WDR70: variants seen among roughly 807,000 people sequenced by gnomAD.
WDR70 encodes WD repeat domain 70, also known as WD repeat-containing protein 70.
In WDR70, 53 loss-of-function variants were observed where a neutral mutation model predicts 88.6. The observed-to-expected ratio is 0.60, with a 90% confidence interval of 0.48 to 0.75. WDR70 has a LOEUF of 0.75. WDR70 is among the 30% of genes least tolerant of loss of function. The probability of loss-of-function intolerance (pLI) is 0.00; values close to 1 mark genes in which losing one functional copy is unlikely to be tolerated. For synonymous variants in WDR70, 280 were observed against 270.0 expected (o/e 1.04, Z -0.36); for missense variants, 610 against 823.2 (o/e 0.74, Z 3.17).
At chr5:37,600,159 T>C (rs1743827641) in intron 9 of WDR70, among the ~76,000 whole-genome samples, 1 of 152,170 alleles carries the variant, frequency 6.6e-6, no homozygotes, top group Non-Finnish European at 1.5e-5. Flanking sequence ...AAAAGAAAGA[T>C]AAGCCGAAGA....
intron 8 of WDR70, among the ~76,000 whole-genome samples, chr5:37,502,755 C>T (rs1740443498): frequency 2.0e-5 from 3 of 152,118 alleles, no homozygotes; most frequent in Admixed American, 6.6e-5. Flanking sequence ...AGCTTTTACT[C>T]GTGGCAGAAG....
chr5:37,699,954 A>C (rs556384876), intron 11 of WDR70, among the ~76,000 whole-genome samples: 120 of 144,250 alleles, frequency 8.3e-4, no homozygotes, highest in Middle Eastern at 3.4e-3. Flanking sequence ...CTCAAAAAAA[A>C]ACAAAAAACA....
intron 9 of WDR70, among the ~76,000 whole-genome samples, chr5:37,562,576 G>A (rs1198818688): frequency 6.6e-6 from 1 of 152,164 alleles, no homozygotes; most frequent in African/African-American, 2.4e-5. Context: ...CCTAGGCAGA[G>A]GACCCTGCGG....
intron 9 of WDR70, among the ~76,000 whole-genome samples, chr5:37,517,316 A>G (rs766969448): frequency 6.6e-6 from 1 of 152,204 alleles, no homozygotes; most frequent in African/African-American, 2.4e-5. Flanking sequence ...ATGTCAGTTC[A>G]TACATACCAG....
intron 10 of WDR70, among the ~76,000 whole-genome samples, chr5:37,696,243 C>A (rs1239184026): frequency 6.6e-6 from 1 of 152,144 alleles, no homozygotes; most frequent in Non-Finnish European, 1.5e-5. Context: ...AAGATGGAAG[C>A]ATGATAACTA....
chr5:37,411,037 A>G (rs1268165758), intron 5 of WDR70, among the ~76,000 whole-genome samples: 2 of 152,268 alleles, frequency 1.3e-5, no homozygotes, highest in Admixed American at 1.3e-4. Context: ...CAAATGAATC[A>G]GAAAAAGTTG....
chr5:37,608,404 T>A (rs1744095743), intron 10 of WDR70, among the ~76,000 whole-genome samples: 1 of 152,128 alleles, frequency 6.6e-6, no homozygotes, highest in South Asian at 2.1e-4. Flanking sequence ...TTCAGAGGAC[T>A]GAAATTTCTT....
At chr5:37,396,675 T>C (rs1749024370) in intron 5 of WDR70, 105 bp downstream of exon 5, 1 of 1,429,468 alleles carries the variant, frequency 7.0e-7, no homozygotes, top group Non-Finnish European at 9.1e-7. Context: ...ATTTAAAAAC[T>C]GAGGAAAGGC....
intron 14 of WDR70, 100 bp from the exon 15 acceptor site, chr5:37,722,755 A>G: frequency 9.6e-7 from 1 of 1,044,162 alleles, no homozygotes; most frequent in Non-Finnish European, 1.4e-6. Context: ...GATGGAGTGC[A>G]TGCACAGAGT....
At chr5:37,557,961 T>TGAGTACTCTTTTGAAAACTCTTCTAAAGA (rs1176435994) in intron 9 of WDR70, among the ~76,000 whole-genome samples, 1 of 148,286 alleles carries the variant, frequency 6.7e-6, no homozygotes, top group Non-Finnish European at 1.5e-5. Context: ...AAGAGTATTA[T>TGAGTACTCTTTTGAAAACTCTTCTAAAGA]GTATATTTAT....
chr5:37,398,186 T>C (rs1749084597), intron 5 of WDR70, among the ~76,000 whole-genome samples: 1 of 149,466 alleles, frequency 6.7e-6, no homozygotes, highest in Admixed American at 6.8e-5. Flanking sequence ...CCTCCCGGGT[T>C]CATGCCATTC....
intron 9 of WDR70, among the ~76,000 whole-genome samples, chr5:37,556,039 A>G (rs1742286867): frequency 6.6e-6 from 1 of 152,112 alleles, no homozygotes; most frequent in Admixed American, 6.6e-5. Flanking sequence ...TTTAAGTACT[A>G]TAATTAACCA....
chr5:37,420,917 C>T (rs1749927463), intron 5 of WDR70, among the ~76,000 whole-genome samples: 1 of 151,950 alleles, frequency 6.6e-6, no homozygotes, highest in Admixed American at 6.6e-5. Flanking sequence ...GTCTCAAAAA[C>T]AAAAAATAAA....
chr5:37,563,972 G>T (rs1244807399), intron 9 of WDR70, among the ~76,000 whole-genome samples: 1 of 147,622 alleles, frequency 6.8e-6, no homozygotes, highest in Non-Finnish European at 1.5e-5. Flanking sequence ...ACGATGGGCG[G>T]CCTGGCAGAG....
Position 37,708,349 on chromosome 5 carries a change from T to G in WDR70, c.1416+5262T>G, listed in dbSNP as rs1315270666. Among the ~76,000 whole-genome samples the G allele has an allele frequency of 2.0e-5, 3 of 151,826 alleles. No homozygotes were observed. The South Asian group carries it at 6.2e-4, about 32-fold the overall frequency. On this transcript the variant is annotated intron_variant, in intron 13 of 17. Coordinates refer to ENST00000265107, the MANE Select transcript of WDR70 (RefSeq NM_018034.4). ...TTTGAGAAAGTATATATTGTGGAAA[T>G]GAAAGTGCTAACATTTTCAAGTTGA...
intron 10 of WDR70, among the ~76,000 whole-genome samples, chr5:37,665,591 T>C (rs1329530678): frequency 6.6e-6 from 1 of 152,220 alleles, no homozygotes; most frequent in Non-Finnish European, 1.5e-5. Context: ...CTCATGCTGC[T>C]GGAAAATAAA....
At chr5:37,732,564 G>A (rs1333217723) in intron 17 of WDR70, among the ~76,000 whole-genome samples, 1 of 151,984 alleles carries the variant, frequency 6.6e-6, no homozygotes, top group African/African-American at 2.4e-5. Flanking sequence ...TGTATAATTT[G>A]TGGTTTTCAC....
intron 5 of WDR70, among the ~76,000 whole-genome samples, chr5:37,422,032 G>A (rs976233625): frequency 1.3e-5 from 2 of 151,928 alleles, no homozygotes; most frequent in Admixed American, 1.3e-4. Context: ...CTTCTCCCTG[G>A]CAAGCTCAGC....
At chr5:37,732,802 T>C (rs1477250119) in intron 17 of WDR70, among the ~76,000 whole-genome samples, 1 of 152,074 alleles carries the variant, frequency 6.6e-6, no homozygotes, top group Non-Finnish European at 1.5e-5. Context: ...TTATTTTACT[T>C]TGTTTATGGC....
Sources: gnomAD v4.1 joint callset for allele counts (sites outside exome capture counted in the v4.1 genomes callset) on GRCh38, gnomAD v4.1.1 for gene constraint, MANE v1.5 for transcripts, NCBI Gene and HGNC (gene_info 2026-07-23, HGNC 2026-07-21) for gene names.